The following ZNF423 variants were observed in gnomAD, a reference collection of about 807,000 sequenced individuals.
The protein encoded by ZNF423 is zinc finger protein 423, also known as Ebf-associated zinc finger protein.
In ZNF423, 12 loss-of-function variants were observed where a neutral mutation model predicts 95.8. That is an observed-to-expected ratio of 0.13 (90% CI 0.08 to 0.20). ZNF423 has a LOEUF of 0.20. ZNF423 is among the 10% of genes least tolerant of loss of function. ZNF423 has a pLI of 1.00. For missense variants in ZNF423, 1,316 were observed against 1,737.1 expected (o/e 0.76, Z 4.31); for synonymous variants, 749 against 711.9 (o/e 1.05, Z -0.83).
chr16:49,517,327 C>A (rs1968188296), intron 7 of ZNF423, among the ~76,000 whole-genome samples: 1 of 152,196 alleles, frequency 6.6e-6, no homozygotes, highest in Admixed American at 6.5e-5. Context: ...GCGCCCACTG[C>A]CAAAAGTCTT....
intron 3 of ZNF423, among the ~76,000 whole-genome samples, chr16:49,669,777 C>T (rs1035250224): frequency 6.6e-6 from 1 of 152,138 alleles, no homozygotes; most frequent in Non-Finnish European, 1.5e-5. Flanking sequence ...CGGGCCCTAG[C>T]CAGGGCTCCT....
chr16:49,622,848 G>A (rs951457814), intron 5 of ZNF423, among the ~76,000 whole-genome samples: 1 of 152,238 alleles, frequency 6.6e-6, no homozygotes, highest in African/African-American at 2.4e-5. Context: ...GGCTGAGTCA[G>A]TAGCAGCTGT....
intron 3 of ZNF423, among the ~76,000 whole-genome samples, chr16:49,659,520 G>C (rs1261506050): frequency 6.6e-6 from 1 of 152,264 alleles, no homozygotes; most frequent in African/African-American, 2.4e-5. Context: ...CTTGCCCCAG[G>C]GCAGAGTCCG....
chr16:49,639,629 C>T (rs1018427437), intron 3 of ZNF423, among the ~76,000 whole-genome samples: 2 of 152,158 alleles, frequency 1.3e-5, no homozygotes, highest in Non-Finnish European at 2.9e-5. Context: ...GCCCCAACCC[C>T]ACCCAGGATC....
rs866692407 is a variant in ZNF423, at chr16:49,790,341, T to G, written c.41-795A>C. Among the ~76,000 whole-genome samples the G allele has an allele frequency of 2.0e-5, 3 of 152,390 alleles. No homozygotes were observed. The South Asian group carries it at 6.2e-4, about 32-fold the overall frequency. On this transcript the variant is annotated intron_variant, in intron 1 of 7. Coordinates refer to ENST00000563137, the MANE Select transcript of ZNF423 (RefSeq NM_001379286.1). ...CACCCAGTTCTCTCTGCACTGTCGA[T>G]GTTCTTGCTGGCACCACGTGGGTGC... is the stretch of plus-strand genomic sequence containing the variant.
rs1050033340 is a variant in ZNF423 at position 49,586,148 on chromosome 16, G to A, written c.3601+40022C>T. Reference sequence around the variant, plus strand: ...CCTGGAAGAAGGTGGTGATGCTGTTGATGTTCTTATTATTACATAAGAATT... The same window carrying A: ...CCTGGAAGAAGGTGGTGATGCTGTTAATGTTCTTATTATTACATAAGAATT... On this transcript the variant is annotated intron_variant, in intron 5 of 7. Coordinates refer to ENST00000563137, the MANE Select transcript of ZNF423 (RefSeq NM_001379286.1). Among the ~76,000 whole-genome samples the A allele has an allele frequency of 2.0e-5, 3 of 152,150 alleles. No homozygotes were observed. The East Asian group carries it at 5.8e-4, about 29-fold the overall frequency.
chr16:49,631,320 C>T (rs1298040519), intron 4 of ZNF423, among the ~76,000 whole-genome samples: 1 of 152,198 alleles, frequency 6.6e-6, no homozygotes, highest in African/African-American at 2.4e-5. Context: ...CACACATAGG[C>T]ACATACACAC....
intron 1 of ZNF423, among the ~76,000 whole-genome samples, chr16:49,844,139 G>A (rs1482430663): frequency 2.6e-5 from 4 of 150,956 alleles, no homozygotes; most frequent in South Asian, 2.1e-4. Flanking sequence ...AAAAAGAGGC[G>A]GACATGGTGA....
chr16:49,656,687 T>G (rs1567270804), intron 3 of ZNF423, among the ~76,000 whole-genome samples: 1 of 152,224 alleles, frequency 6.6e-6, no homozygotes, highest in African/African-American at 2.4e-5. Flanking sequence ...TTCTATATCA[T>G]ACATTGCATA....
chr16:49,759,582 A>G (rs1953875924), intron 2 of ZNF423, among the ~76,000 whole-genome samples: 1 of 152,210 alleles, frequency 6.6e-6, no homozygotes, highest in African/African-American at 2.4e-5. Flanking sequence ...TACTCATGAA[A>G]GTTCTCAGCC....
At chr16:49,630,412 T>C (rs1289354561) in intron 4 of ZNF423, among the ~76,000 whole-genome samples, 1 of 151,942 alleles carries the variant, frequency 6.6e-6, no homozygotes, top group Non-Finnish European at 1.5e-5. Flanking sequence ...AATGAACGAA[T>C]GAATGGAATG....
At chr16:49,700,373 A>G (rs1365191705) in intron 3 of ZNF423, among the ~76,000 whole-genome samples, 1 of 152,200 alleles carries the variant, frequency 6.6e-6, no homozygotes, top group Non-Finnish European at 1.5e-5. Flanking sequence ...CCCCTGCTGA[A>G]GCCCACAGGG....
intron 5 of ZNF423, among the ~76,000 whole-genome samples, chr16:49,599,491 CA>C (rs1971288224): frequency 6.6e-6 from 1 of 152,284 alleles, no homozygotes; most frequent in Non-Finnish European, 1.5e-5. Context: ...GAAGGTCACA[CA>C]GCAAGTGAGT....
In ZNF423 at chr16:49,753,113, G is replaced by A. The variant is rs565934241; in HGVS notation, c.101-22142C>T. Reference sequence around the variant, plus strand: ...ACAAAAATTAGCCAGGCGTGGTGGCGTGAGCCTGTAGTCCCAGCTACTTGG... The same window carrying A: ...ACAAAAATTAGCCAGGCGTGGTGGCATGAGCCTGTAGTCCCAGCTACTTGG... On this transcript the variant is annotated intron_variant, in intron 2 of 7. Coordinates refer to ENST00000563137, the MANE Select transcript of ZNF423 (RefSeq NM_001379286.1). 1.3e-4 allele frequency among the ~76,000 whole-genome samples: 19 copies of A among 146,410 alleles called. 1 individual carries two copies. Among genetic ancestry groups the A allele is most frequent in the African/African-American group, 4.4e-4 (18 of 40,506 alleles).
At chr16:49,842,410 A>AAGGAAGGAAGGAAGGAAGGAAGGCAGGC (rs1448904663) in intron 1 of ZNF423, among the ~76,000 whole-genome samples, 7 of 77,908 alleles carry the variant, frequency 9.0e-5, no homozygotes, top group African/African-American at 3.1e-4. Context: ...GGAAGGAAGG[A>AAGGAAGGAAGGAAGGAAGGAAGGCAGGC]AGGCAGGCAG....
rs552870673 is a variant in ZNF423, at chr16:49,760,891, A to G, written c.100+28596T>C. ...GTCATCTCCCCAAATTCCCCCTGCC[A>G]TGCCGTCACCACCACCTCCCTCCAA... On this transcript the variant is annotated intron_variant, in intron 2 of 7. Coordinates refer to ENST00000563137, the MANE Select transcript of ZNF423 (RefSeq NM_001379286.1). 2.0e-4 allele frequency among the ~76,000 whole-genome samples: 30 copies of G among 148,234 alleles called. No individual in the cohort carries two copies. In the East Asian group the frequency reaches 4.8e-3, roughly 24 times the overall value.
chr16:49,767,246 G>A (rs1472227679), intron 2 of ZNF423, among the ~76,000 whole-genome samples: 1 of 151,796 alleles, frequency 6.6e-6, no homozygotes, highest in African/African-American at 2.4e-5. Flanking sequence ...CACCGTGCCT[G>A]GCCCCAGAAC....
At chr16:49,700,353 C>T (rs540775671) in intron 3 of ZNF423, among the ~76,000 whole-genome samples, 4 of 152,344 alleles carry the variant, frequency 2.6e-5, no homozygotes, top group East Asian at 1.9e-4. Flanking sequence ...CTGCCCTCTC[C>T]GTCTCCAAGC....
intron 3 of ZNF423, among the ~76,000 whole-genome samples, chr16:49,647,252 C>A (rs1277868560): frequency 2.0e-5 from 3 of 152,242 alleles, no homozygotes; most frequent in Non-Finnish European, 4.4e-5. Flanking sequence ...GATGACCAGG[C>A]TAGGCTGGGT....
Sources: allele counts gnomAD v4.1 joint callset (sites outside exome capture counted in the v4.1 genomes callset), GRCh38; gene constraint gnomAD v4.1.1; transcripts MANE v1.5; gene names NCBI Gene and HGNC (gene_info 2026-07-23, HGNC 2026-07-21).